The following NRG1 variants were observed in gnomAD, a reference collection of about 807,000 sequenced individuals.
NRG1 encodes the protein pro-neuregulin-1, membrane-bound isoform.
NRG1 carries 18 observed loss-of-function variants against 63.8 expected under a neutral mutation model. The observed-to-expected ratio is 0.28, with a 90% CI of 0.19 to 0.42. NRG1 has a LOEUF of 0.42. Among genes scored for constraint, NRG1 ranks in the 10% least tolerant of loss-of-function variants. The pLI is 1.00. For synonymous variants in NRG1, 302 were observed against 301.3 expected (o/e 1.00, Z -0.02); for missense variants, 762 against 814.7 (o/e 0.94, Z 0.79).
At position 32,759,546 on chromosome 8, in the gene NRG1, C is replaced by A. The variant is rs1245333558; in HGVS notation, c.1052+110C>A. ...GGCAGTGAAATGGATGGTCTTTGGGCAGCAACAGATTTTGAAAATCAACTG... is the reference window on the plus strand; with the variant it reads ...GGCAGTGAAATGGATGGTCTTTGGGAAGCAACAGATTTTGAAAATCAACTG... On this transcript the variant is annotated intron_variant, in intron 10 of 11. Coordinates refer to ENST00000356819, the Ensembl canonical transcript of NRG1. 31 of 1,319,184 alleles carry A rather than the reference C, an allele frequency of 2.3e-5. No individual in the cohort carries two copies. In the Admixed American group the frequency reaches 7.5e-4, roughly 32 times the overall value. The allele number at this position is 1,319,184 out of a possible 1,614,324, so 81.7% of individuals were successfully genotyped here.
intron 1 of NRG1, among the ~76,000 whole-genome samples, chr8:32,472,829 G>A (rs1348071458): frequency 1.3e-5 from 2 of 152,234 alleles, no homozygotes; most frequent in African/African-American, 4.8e-5. Context: ...CTGAGACTAA[G>A]TGGTAGGGAG....
At chr8:32,209,335 T>C (rs2132370127) in intron 1 of NRG1, among the ~76,000 whole-genome samples, 1 of 152,204 alleles carries the variant, frequency 6.6e-6, no homozygotes, top group East Asian at 1.9e-4. Context: ...GATAAGTAAA[T>C]GAAAGGACAA....
In NRG1 at chr8:32,340,921, A is replaced by G. The variant is rs77119930; in HGVS notation, c.38-254907A>G. Among the ~76,000 whole-genome samples, 389 of 152,336 alleles carry G rather than the reference A, an allele frequency of 2.6e-3. 3 individuals are homozygous for G. Among genetic ancestry groups the G allele is most frequent in the Non-Finnish European group, 4.2e-3 (285 of 68,040 alleles). ...CCTGTTGCTGCTTTTGCTTTACAAC[A>G]GTCAAGATGAGTGCTTGAAACAGAG... On this transcript the variant is annotated intron_variant, in intron 1 of 10. Transcript: ENST00000519301.
At chr8:32,186,647 T>C (rs981539415) in intron 1 of NRG1, among the ~76,000 whole-genome samples, 4 of 152,048 alleles carry the variant, frequency 2.6e-5, no homozygotes, top group Admixed American at 6.6e-5. Flanking sequence ...TGGAAGCTTG[T>C]AAGAAAAGCA....
chr8:32,573,324 G>A (rs1271508773), intron 1 of NRG1, among the ~76,000 whole-genome samples: 2 of 152,144 alleles, frequency 1.3e-5, no homozygotes, highest in African/African-American at 2.4e-5. Context: ...TAGCACAAAA[G>A]TAGCCACAGA....
chr8:32,759,531 T>G (rs1481176931), intron 10 of NRG1, 95 bp downstream of exon 10: 1 of 1,450,160 alleles, frequency 6.9e-7, no homozygotes, highest in African/African-American at 1.4e-5. Flanking sequence ...GGCAGTGAAA[T>G]GGATGGTCTT....
chr8:32,368,508 T>C (rs1226693980), intron 1 of NRG1, among the ~76,000 whole-genome samples: 1 of 152,182 alleles, frequency 6.6e-6, no homozygotes, highest in Non-Finnish European at 1.5e-5. Flanking sequence ...GCTATGATCA[T>C]GCCATTGCAC....
At chr8:31,887,210 T>C (rs184363914) in intron 1 of NRG1, among the ~76,000 whole-genome samples, 11 of 152,094 alleles carry the variant, frequency 7.2e-5, no homozygotes, top group African/African-American at 2.7e-4. Context: ...CAGATGGTTT[T>C]CCCGTGATAG....
chr8:32,510,700 A>G lies in NRG1; in HGVS notation c.38-85128A>G, dbSNP rs200759343. 9.9e-5 allele frequency among the ~76,000 whole-genome samples: 15 copies of G among 152,180 alleles called. No homozygotes were observed. In the East Asian group the frequency reaches 2.9e-3, roughly 30 times the overall value. On this transcript the variant is annotated intron_variant, in intron 1 of 10. Transcript: ENST00000519301. ...GATAACTAAAACAAAGGGCTCAGCC[A>G]GGCACCCAGAAGCCTCAGGGCCACC...
rs371216352 is a variant in NRG1 at position 32,157,425 on chromosome 8, G to T, written c.38-438403G>T. ...GCCTGTAATCGCAGTATTTTGGGAG[G>T]CCGAGGCGGGCGGATCACAATGTCA... On this transcript the variant is annotated intron_variant, in intron 1 of 10. Transcript: ENST00000519301. Among the ~76,000 whole-genome samples the T allele has an allele frequency of 3.1e-3, 464 of 150,626 alleles. 1 individual carries two copies. Among genetic ancestry groups the T allele is most frequent in the South Asian group, 0.024 (113 of 4,776 alleles).
At chr8:32,547,863 C>T (rs1833259329), upstream of NRG1, among the ~76,000 whole-genome samples, 1 of 152,220 alleles carries the variant, frequency 6.6e-6, no homozygotes, top group Non-Finnish European at 1.5e-5. Context: ...ACCACGGAGA[C>T]TCTGCTTGGG....
At chr8:32,610,214 G>A (rs958986866) in intron 3 of NRG1, among the ~76,000 whole-genome samples, 1 of 152,082 alleles carries the variant, frequency 6.6e-6, no homozygotes, top group Non-Finnish European at 1.5e-5. Context: ...GTAGGTTGCT[G>A]CAATCTAATT....
chr8:32,337,653 C>CGAAAAAAAAAAAAAAAAAAAAAAAAA (rs1803452831), intron 1 of NRG1, among the ~76,000 whole-genome samples: 1 of 24,704 alleles, frequency 4.0e-5, no homozygotes, highest in African/African-American at 1.5e-4. Flanking sequence ...AGAGTTATTG[C>CGAAAAAAAAAAAAAAAAAAAAAAAAA]AAAAAAAAAA....
chr8:31,879,919 A>G (rs1830218657), intron 1 of NRG1, among the ~76,000 whole-genome samples: 1 of 152,166 alleles, frequency 6.6e-6, no homozygotes, highest in East Asian at 1.9e-4. Flanking sequence ...ATACTATTCC[A>G]TGGTGTATAT....
At chr8:32,432,204 C>T (rs1818231867) in intron 1 of NRG1, among the ~76,000 whole-genome samples, 1 of 152,034 alleles carries the variant, frequency 6.6e-6, no homozygotes, top group African/African-American at 2.4e-5. Flanking sequence ...CTCATCCCTA[C>T]TAGACAGTAA....
At chr8:31,930,173 G>A (rs1344911455) in intron 1 of NRG1, among the ~76,000 whole-genome samples, 1 of 152,182 alleles carries the variant, frequency 6.6e-6, no homozygotes, top group Non-Finnish European at 1.5e-5. Flanking sequence ...AATATCGTAG[G>A]CAGAAGAAGT....
intron 1 of NRG1, among the ~76,000 whole-genome samples, chr8:31,670,598 T>C (rs1807027928): frequency 6.6e-6 from 1 of 151,966 alleles, no homozygotes; most frequent in Admixed American, 6.6e-5. Flanking sequence ...AAATAAACCT[T>C]CTGACAGAGA....
intron 1 of NRG1, among the ~76,000 whole-genome samples, chr8:32,079,037 G>A (rs1196321772): frequency 6.6e-6 from 1 of 151,952 alleles, no homozygotes; most frequent in Non-Finnish European, 1.5e-5. Flanking sequence ...GCTTAGAACT[G>A]AACTTAAAAG....
intron 5 of NRG1, among the ~76,000 whole-genome samples, chr8:32,632,312 G>A (rs1229814969): frequency 6.6e-6 from 1 of 151,996 alleles, no homozygotes; most frequent in Non-Finnish European, 1.5e-5. Context: ...CAGCACTTTG[G>A]GAGGCCAAGG....
Sources: allele counts gnomAD v4.1 joint callset (sites outside exome capture counted in the v4.1 genomes callset), GRCh38; gene constraint gnomAD v4.1.1; transcripts MANE v1.5; gene names NCBI Gene and HGNC (gene_info 2026-07-23, HGNC 2026-07-21).